The following SMC2 variants were observed in gnomAD, a reference collection of about 807,000 sequenced individuals.
SMC2 encodes the protein structural maintenance of chromosomes protein 2.
Under a neutral mutation model 142.6 loss-of-function variants are expected in SMC2, and 41 were observed. That is an observed-to-expected ratio of 0.29 (90% CI 0.22 to 0.37). SMC2 has a LOEUF of 0.37. SMC2 is among the 10% of genes least tolerant of loss of function. The probability of loss-of-function intolerance (pLI) is 1.00; values close to 1 mark genes in which losing one functional copy is unlikely to be tolerated. For synonymous variants in SMC2, 463 were observed against 457.5 expected (o/e 1.01, Z -0.15); for missense variants, 1,265 against 1,373.7 (o/e 0.92, Z 1.25).
At chr9:104,132,187 A>G in intron 22 of SMC2, 62 bp downstream of exon 22, 2 of 842,146 alleles carry the variant, frequency 2.4e-6, no homozygotes, top group Non-Finnish European at 2.0e-6. Context: ...CAGTGGAGTT[A>G]TACTCTATAA....
At chr9:104,137,035 C>T (rs1249023223) in intron 23 of SMC2, among the ~76,000 whole-genome samples, 1 of 152,036 alleles carries the variant, frequency 6.6e-6, no homozygotes, top group Non-Finnish European at 1.5e-5. Flanking sequence ...GTAATCTCAG[C>T]TACTAGGGAG....
upstream of SMC2, chr9:104,094,288 C>T: frequency 2.5e-6 from 1 of 398,558 alleles, no homozygotes; most frequent in Non-Finnish European, 4.4e-6. Context: ...GAGGTGGGGT[C>T]CTTTGCTCGC....
intron 2 of SMC2, among the ~76,000 whole-genome samples, 189 bp from the exon 3 acceptor site, chr9:104,095,959 A>T (rs1830407915): frequency 6.6e-6 from 1 of 152,240 alleles, no homozygotes; most frequent in Admixed American, 6.5e-5. Flanking sequence ...GGTTCTGTAG[A>T]GAAAAGTGTC....
chr9:104,136,007 T>C, intron 23 of SMC2: 4 of 497,350 alleles, frequency 8.0e-6, no homozygotes, highest in South Asian at 5.8e-5. Context: ...GGGAAGTTTC[T>C]CCTGACCTTA....
Position 104,132,032 on chromosome 9 carries a change from G to A in SMC2, c.3015G>A (p.Lys1005=). 6.4e-7 allele frequency: 1 copy of A among 1,566,640 alleles called. No homozygotes were observed. The highest frequency in any genetic ancestry group is 8.7e-7 in the Non-Finnish European group (1 of 1,146,334). Residue 1005 remains lysine, a synonymous_variant, in exon 22 of 25, where the codon AAG becomes AAA. Transcript: ENST00000374793. ...AGTACAATGACTTGATGAAGAAGAA[G>A]AGAATTGTAGAAAATGACAAATCCA... ...EERYNDLMKK[K]RIVENDKSKI...
intron 3 of SMC2, among the ~76,000 whole-genome samples, chr9:104,097,207 C>T (rs12337586): frequency 7.2e-6 from 1 of 138,322 alleles, no homozygotes; most frequent in Non-Finnish European, 1.5e-5. Context: ...AGAGATTCTT[C>T]TGCCTCAGCC....
At chr9:104,095,234 T>A in intron 1 of SMC2, 90 bp from the exon 2 acceptor site, 1 of 604,484 alleles carries the variant, frequency 1.7e-6, no homozygotes, top group Non-Finnish European at 2.9e-6. Context: ...GTTTTATTTC[T>A]ATCACCCTAT....
intron 2 of SMC2, 79 bp downstream of exon 2, chr9:104,095,631 TTC>T: frequency 9.6e-7 from 1 of 1,046,312 alleles, no homozygotes. Context: ...CGTCCCGATA[TTC>T]TCTTCATTTG....
chr9:104,131,916 TA>T, intron 21 of SMC2, 92 bp from the exon 22 acceptor site: 1 of 685,966 alleles, frequency 1.5e-6, no homozygotes, highest in Non-Finnish European at 2.6e-6. Context: ...GTATTGTATA[TA>T]AAAATAATGA....
intron 3 of SMC2, 44 bp downstream of exon 3, chr9:104,096,341 T>G (rs371252920): frequency 6.3e-7 from 1 of 1,590,350 alleles, no homozygotes. Flanking sequence ...ACCTTTTATG[T>G]CTGATGTGGT....
At chr9:104,090,372 A>G (rs527793147), upstream of SMC2, among the ~76,000 whole-genome samples, 1 of 152,240 alleles carries the variant, frequency 6.6e-6, no homozygotes, top group East Asian at 1.9e-4. Context: ...CTGAGCTTTG[A>G]TGAGGCAGGT....
intron 5 of SMC2, 109 bp from the exon 6 acceptor site, chr9:104,099,984 C>A (rs41282197): frequency 0.022 from 15,495 of 694,894 alleles, 918 homozygotes; most frequent in African/African-American, 0.18. Flanking sequence ...TTTGGGCCAA[C>A]TTTTGGTAAG....
chr9:104,120,270 G>T, intron 16 of SMC2, 108 bp downstream of exon 16: 2 of 1,093,252 alleles, frequency 1.8e-6, no homozygotes, highest in East Asian at 2.8e-5. Context: ...TCATATTTTT[G>T]GTTTTATTTA....
At position 104,102,526 on chromosome 9, in the gene SMC2, G is replaced by A. The variant is rs138115955; in HGVS notation, c.973G>A (p.Ala325Thr). 5.8e-4 allele frequency: 940 copies of A among 1,613,624 alleles called. 7 individuals carry two copies. The African/African-American group carries it at 0.011, about 19-fold the overall frequency. ...ATTTGATCTCAAGAAGAAAAATCTG[G>A]CATGTGAGGAAAGCAAACGCAAAGA... is the stretch of plus-strand genomic sequence containing the variant. Reference protein sequence around the residue: ...SAFDLKKKNLACEESKRKELE... With the variant: ...SAFDLKKKNLTCEESKRKELE... The change falls in exon 9 of 25, where the codon GCA (alanine) becomes ACA (threonine). Residue 325 changes from alanine to threonine, a missense_variant. Coordinates refer to ENST00000374793, the MANE Select transcript of SMC2 (RefSeq NM_006444.3).
At chr9:104,105,762 C>T (rs561669631) in intron 9 of SMC2, among the ~76,000 whole-genome samples, 75 of 152,230 alleles carry the variant, frequency 4.9e-4, no homozygotes, top group Non-Finnish European at 9.1e-4. Context: ...ATTAGGAATG[C>T]TAGGGTAGTT....
At chr9:104,130,977 A>C (rs2131535499) in intron 21 of SMC2, among the ~76,000 whole-genome samples, 1 of 152,256 alleles carries the variant, frequency 6.6e-6, no homozygotes, top group Middle Eastern at 3.4e-3. Flanking sequence ...ATGAAAAAAT[A>C]AGATAAAAAT....
intron 9 of SMC2, among the ~76,000 whole-genome samples, chr9:104,103,951 A>G (rs1831462990): frequency 6.6e-6 from 1 of 152,136 alleles, no homozygotes; most frequent in Non-Finnish European, 1.5e-5. Context: ...GTAAAGCTCT[A>G]AACATGTGGA....
rs761864328 is a variant in SMC2 at position 104,113,377 on chromosome 9, A to G, written c.1316A>G (p.Lys439Arg). The change falls in exon 11 of 25, where the codon AAG (lysine) becomes AGG (arginine). Residue 439 changes from lysine (K) to arginine (R), a missense_variant. Lys to Arg is a conservative substitution (Grantham distance 26, BLOSUM62 2). Transcript: ENST00000374793. ...ELKNKQAEVKKMDSGYRKDQE... is the reference protein window; with the variant it reads ...ELKNKQAEVKRMDSGYRKDQE... The stretch of plus-strand genomic sequence containing the variant: ...AAGAATAAACAAGCTGAAGTTAAGA[A>G]GATGGATAGTGGCTACAGGAAGGAT... 8.7e-6 allele frequency: 14 copies of G among 1,612,202 alleles called. No homozygotes were observed. The South Asian group carries it at 1.3e-4, about 15-fold the overall frequency.
intron 23 of SMC2, among the ~76,000 whole-genome samples, chr9:104,137,070 C>T (rs1231580496): frequency 6.6e-6 from 1 of 152,008 alleles, no homozygotes; most frequent in Middle Eastern, 3.2e-3. Flanking sequence ...ATTGCTTGAA[C>T]CTGGGAGGTA....
Sources: gnomAD v4.1 joint callset for allele counts (sites outside exome capture counted in the v4.1 genomes callset) on GRCh38, gnomAD v4.1.1 for gene constraint, MANE v1.5 for transcripts, NCBI Gene and HGNC (gene_info 2026-07-23, HGNC 2026-07-21) for gene names.